The following C13orf42 variants were observed in gnomAD, a reference collection of about 807,000 sequenced individuals.
C13orf42 encodes chromosome 13 open reading frame 42, also known as uncharacterized protein C13orf42.
At chr13:51,169,039 T>C (rs1953924443) in intron 1 of C13orf42, among the ~76,000 whole-genome samples, 1 of 152,214 alleles carries the variant, frequency 6.6e-6, no homozygotes, top group Non-Finnish European at 1.5e-5. Context: ...GGGTGGTTCT[T>C]TGTAGCAAAG....
chr13:51,142,360 C>T (rs775001147), intron 1 of C13orf42, among the ~76,000 whole-genome samples: 9 of 151,956 alleles, frequency 5.9e-5, no homozygotes, highest in Admixed American at 1.3e-4. Context: ...CTTTTTTTTA[C>T]TGTCTTAGTT....
intron 1 of C13orf42, among the ~76,000 whole-genome samples, chr13:51,150,650 T>C (rs78438297): frequency 0.047 from 7,169 of 152,240 alleles, 161 homozygotes; most frequent in African/African-American, 0.06. Flanking sequence ...TCCTAAAAAA[T>C]GCAGTGGACT....
intron 1 of C13orf42, among the ~76,000 whole-genome samples, chr13:51,132,244 T>C (rs1196981855): frequency 6.6e-6 from 1 of 152,082 alleles, no homozygotes; most frequent in African/African-American, 2.4e-5. Context: ...AGATCGAGAC[T>C]ATCCTGGCCA....
At chr13:51,129,532 G>A (rs1015836757) in intron 1 of C13orf42, among the ~76,000 whole-genome samples, 4 of 152,060 alleles carry the variant, frequency 2.6e-5, no homozygotes, top group Admixed American at 2.0e-4. Context: ...ATTCAGTGTC[G>A]GCCACAATGG....
intron 1 of C13orf42, among the ~76,000 whole-genome samples, chr13:51,098,893 C>T (rs1242600215): frequency 2.0e-5 from 3 of 151,764 alleles, no homozygotes; most frequent in Admixed American, 1.3e-4. Flanking sequence ...CTGTGAGGTA[C>T]TAATAATACT....
intron 1 of C13orf42, among the ~76,000 whole-genome samples, chr13:51,163,330 C>A (rs921841330): frequency 6.6e-6 from 1 of 152,128 alleles, no homozygotes; most frequent in African/African-American, 2.4e-5. Flanking sequence ...AAGCATCAGT[C>A]TGTTACATGA....
intron 1 of C13orf42, among the ~76,000 whole-genome samples, chr13:51,094,005 T>G (rs1953207709): frequency 1.3e-5 from 2 of 152,350 alleles, no homozygotes; most frequent in South Asian, 4.1e-4. Flanking sequence ...TTTAACATAT[T>G]TGATGTCTTG....
chr13:51,095,866 G>C (rs528958579), intron 1 of C13orf42, among the ~76,000 whole-genome samples: 2 of 152,228 alleles, frequency 1.3e-5, no homozygotes, highest in South Asian at 4.1e-4. Context: ...GGTTCTATCA[G>C]TTGCTTTGTT....
intron 1 of C13orf42, among the ~76,000 whole-genome samples, chr13:51,139,013 G>A (rs575128634): frequency 1.7e-4 from 26 of 152,238 alleles, no homozygotes; most frequent in Non-Finnish European, 3.5e-4. Flanking sequence ...CTTCTATGAG[G>A]TGGCTAAAAT....
chr13:51,167,568 C>T (rs903070576), intron 1 of C13orf42, among the ~76,000 whole-genome samples: 10 of 152,130 alleles, frequency 6.6e-5, no homozygotes, highest in South Asian at 2.1e-4. Context: ...GATGGTGGTG[C>T]GGGGAGTGCT....
chr13:51,134,956 T>G (rs1953646241), intron 1 of C13orf42, among the ~76,000 whole-genome samples: 1 of 152,222 alleles, frequency 6.6e-6, no homozygotes, highest in Admixed American at 6.5e-5. Flanking sequence ...GCCCTAGGCC[T>G]TGTGAATGAC....
intron 1 of C13orf42, among the ~76,000 whole-genome samples, chr13:51,168,768 T>C (rs951988223): frequency 2.0e-5 from 3 of 152,180 alleles, no homozygotes; most frequent in Non-Finnish European, 2.9e-5. Context: ...TGGGAGGTGA[T>C]TGGATCATGG....
At chr13:51,169,849 GCTGCAGGGGTGGAGT>G (rs1260146498) in intron 1 of C13orf42, among the ~76,000 whole-genome samples, 1 of 152,228 alleles carries the variant, frequency 6.6e-6, no homozygotes, top group Non-Finnish European at 1.5e-5. Context: ...CAGGAAGATT[GCTGCAGGGGTGGAGT>G]CTGTCAGGCC....
intron 1 of C13orf42, among the ~76,000 whole-genome samples, chr13:51,136,891 G>A (rs542986621): frequency 6.6e-6 from 1 of 152,316 alleles, no homozygotes; most frequent in African/African-American, 2.4e-5. Context: ...CTGTGAGCAA[G>A]GCTGTGGCCC....
chr13:51,127,115 T>C (rs1953583492), intron 1 of C13orf42, among the ~76,000 whole-genome samples: 1 of 152,028 alleles, frequency 6.6e-6, no homozygotes, highest in Non-Finnish European at 1.5e-5. Flanking sequence ...TACAGTGAGC[T>C]GTGATCACAC....
chr13:51,097,398 T>C (rs1953246240), intron 1 of C13orf42, among the ~76,000 whole-genome samples: 1 of 152,230 alleles, frequency 6.6e-6, no homozygotes, highest in African/African-American at 2.4e-5. Context: ...TGTCCTTTTA[T>C]AAATTATACT....
At chr13:51,146,962 T>A (rs920886464) in intron 1 of C13orf42, among the ~76,000 whole-genome samples, 1 of 152,194 alleles carries the variant, frequency 6.6e-6, no homozygotes, top group Non-Finnish European at 1.5e-5. Flanking sequence ...CCCGCTTTGA[T>A]CCCCTGGTCA....
At chr13:51,098,158 A>G (rs1019245096) in intron 1 of C13orf42, among the ~76,000 whole-genome samples, 1 of 151,848 alleles carries the variant, frequency 6.6e-6, no homozygotes, top group Non-Finnish European at 1.5e-5. Flanking sequence ...TTCATTTCAT[A>G]TCAGTTTGCC....
intron 1 of C13orf42, among the ~76,000 whole-genome samples, chr13:51,093,238 T>C (rs992192198): frequency 3.9e-5 from 6 of 152,244 alleles, no homozygotes; most frequent in African/African-American, 7.2e-5. Context: ...TCTTGTTCCA[T>C]AGACTTTCTC....
Sources: gnomAD v4.1 joint callset for allele counts (sites outside exome capture counted in the v4.1 genomes callset) on GRCh38, gnomAD v4.1.1 for gene constraint, MANE v1.5 for transcripts, NCBI Gene and HGNC (gene_info 2026-07-23, HGNC 2026-07-21) for gene names.